MAGI3: variants seen among roughly 807,000 people sequenced by gnomAD.
MAGI3 encodes membrane associated guanylate kinase, WW and PDZ domain containing 3.
In MAGI3, 43 loss-of-function variants were observed where a neutral mutation model predicts 121.8. That is an observed-to-expected ratio of 0.35 (90% CI 0.28 to 0.46). MAGI3 has a LOEUF of 0.46. Ranked by LOEUF, MAGI3 falls within the 20% of genes least tolerant of loss-of-function variation. The pLI is 1.00. For synonymous variants in MAGI3, 553 were observed against 639.3 expected, an observed-to-expected ratio of 0.86 and a Z score of 2.04; for missense variants, 1,547 against 1,797.3, an observed-to-expected ratio of 0.86 and a Z score of 2.52.
chr1:113,447,298 G>A (rs185370352), intron 1 of MAGI3, among the ~76,000 whole-genome samples: 1 of 152,312 alleles, frequency 6.6e-6, no homozygotes, highest in Admixed American at 6.5e-5. Flanking sequence ...TCTGGCAAGG[G>A]CCTTCTTGCT....
At chr1:113,493,143 C>A (rs975820557) in intron 1 of MAGI3, among the ~76,000 whole-genome samples, 1 of 152,162 alleles carries the variant, frequency 6.6e-6, no homozygotes, top group Non-Finnish European at 1.5e-5. Flanking sequence ...TAAAACCGTA[C>A]TACAGGGCTA....
At position 113,535,295 on chromosome 1, in the gene MAGI3, C is replaced by T. The variant is rs576405381; in HGVS notation, c.317-14220C>T. Among the ~76,000 whole-genome samples the T allele has an allele frequency of 9.9e-5, 15 of 151,136 alleles. No individual in the cohort carries two copies. In the South Asian group the frequency reaches 1.3e-3, roughly 13 times the overall value. On this transcript the variant is annotated intron_variant, in intron 1 of 20. Coordinates refer to ENST00000307546, the MANE Select transcript of MAGI3 (RefSeq NM_001142782.2). Reference sequence around the variant, plus strand: ...TAAAAAATGGTATACTTTTGTTGTTCGCTTAAAAAAAAAACCTCTCAATAG... The same window carrying T: ...TAAAAAATGGTATACTTTTGTTGTTTGCTTAAAAAAAAAACCTCTCAATAG...
At chr1:113,486,069 T>C (rs1285654160) in intron 1 of MAGI3, among the ~76,000 whole-genome samples, 2 of 152,226 alleles carry the variant, frequency 1.3e-5, no homozygotes, top group Non-Finnish European at 2.9e-5. Flanking sequence ...GACTATGGCC[T>C]TATAGTGTAG....
chr1:113,667,287 G>A (rs1166462078), intron 16 of MAGI3, among the ~76,000 whole-genome samples: 1 of 152,190 alleles, frequency 6.6e-6, no homozygotes, highest in Non-Finnish European at 1.5e-5. Flanking sequence ...CTGTTGTTTA[G>A]TGTAGCCACC....
intron 10 of MAGI3, 104 bp downstream of exon 10, chr1:113,642,620 T>C: frequency 8.1e-7 from 1 of 1,234,808 alleles, no homozygotes; most frequent in South Asian, 1.5e-5. Flanking sequence ...CAGACTTAAC[T>C]AGTAATTAGT....
At chr1:113,423,261 G>A (rs1299302449) in intron 1 of MAGI3, among the ~76,000 whole-genome samples, 1 of 140,756 alleles carries the variant, frequency 7.1e-6, no homozygotes, top group Non-Finnish European at 1.6e-5. Context: ...TTTTTTTTTG[G>A]GGGGGGGGTT....
intron 1 of MAGI3, among the ~76,000 whole-genome samples, chr1:113,411,578 C>T (rs1651990392): frequency 6.6e-6 from 1 of 151,948 alleles, no homozygotes; most frequent in Non-Finnish European, 1.5e-5. Flanking sequence ...TGTTTTAAGT[C>T]ACGATGATTA....
rs977093693 is a variant in MAGI3 at position 113,682,674 on chromosome 1, ATAT to A, written c.3329-218_3329-216del. On this transcript the variant is annotated intron_variant, in intron 20 of 20. Transcript: ENST00000307546. ...AATTATATGTAATTGGAAAAAATGAATATTATTTTGTGTATATAAACAACCCAT... is the reference window on the plus strand; with the variant it reads ...AATTATATGTAATTGGAAAAAATGAATATTTTGTGTATATAAACAACCCAT... 40 of 976,820 alleles carry A rather than the reference ATAT, an allele frequency of 4.1e-5. No homozygotes were observed. In the African/African-American group the frequency reaches 6.7e-4, roughly 16 times the overall value. The allele number at this position is 976,820 out of a possible 1,614,324, so 60.5% of individuals were successfully genotyped here. A position where few individuals can be genotyped will look rare whatever the true frequency, so the allele number is the denominator to read the frequency against.
At chr1:113,572,942 T>A (rs1249610663) in intron 2 of MAGI3, among the ~76,000 whole-genome samples, 1 of 152,044 alleles carries the variant, frequency 6.6e-6, no homozygotes, top group African/African-American at 2.4e-5. Flanking sequence ...CTTTTTTTTT[T>A]TGAGACAGAG....
At chr1:113,489,261 C>A (rs1052523560) in intron 1 of MAGI3, among the ~76,000 whole-genome samples, 2 of 150,558 alleles carry the variant, frequency 1.3e-5, no homozygotes, top group Non-Finnish European at 2.9e-5. Flanking sequence ...AGCACACAGT[C>A]CTGGAGTTGA....
intron 1 of MAGI3, among the ~76,000 whole-genome samples, chr1:113,433,260 C>T (rs1321647804): frequency 6.6e-6 from 1 of 152,064 alleles, no homozygotes; most frequent in East Asian, 1.9e-4. Context: ...TCAGGTACTA[C>T]TGGGTCTGTG....
At position 113,559,567 on chromosome 1, in the gene MAGI3, C is replaced by CT. The variant is rs200737453; in HGVS notation, c.433+9944dup. Among the ~76,000 whole-genome samples, 35 of 150,688 alleles carry CT rather than the reference C, an allele frequency of 2.3e-4. 2 individuals are homozygous for CT. The highest frequency in any genetic ancestry group is 2.7e-4 in the African/African-American group (11 of 41,042). On this transcript the variant is annotated intron_variant, in intron 2 of 20. Transcript: ENST00000307546. ...AGGAGCACCCAGATTCATAAAGTTC[C>CT]TTTTTTTTGTTTTTTTTTGAGAGGG...
At chr1:113,530,349 G>A (rs1452259842) in intron 1 of MAGI3, among the ~76,000 whole-genome samples, 2 of 149,850 alleles carry the variant, frequency 1.3e-5, no homozygotes, top group Admixed American at 6.7e-5. Context: ...ACAACTTAAC[G>A]CAGGAACAGA....
rs937865742 is a variant in MAGI3, at chr1:113,614,729, GATA to G, written c.1076+72_1076+74del. On this transcript the variant is annotated intron_variant, in intron 7 of 20. Transcript: ENST00000307546. ...CAGCATATAGCTTTAGAGAATACTGGATACAGCACTTTATGCTTCTGTGATCCA... is the reference window on the plus strand; with the variant it reads ...CAGCATATAGCTTTAGAGAATACTGGCAGCACTTTATGCTTCTGTGATCCA... 76 of 1,036,832 alleles carry G rather than the reference GATA, an allele frequency of 7.3e-5. No individual in the cohort carries two copies. The African/African-American group carries it at 1.2e-3, about 17-fold the overall frequency. 64.2% of individuals were successfully genotyped at this position (1,036,832 alleles called of 1,614,324 possible).
At position 113,390,921 on chromosome 1, in the gene MAGI3, G is replaced by A. The variant is rs1650750127; in HGVS notation, c.-113G>A. 1 of 774,314 alleles carries A rather than the reference G, an allele frequency of 1.3e-6. No homozygotes were observed. The highest frequency in any genetic ancestry group is 1.7e-6 in the Non-Finnish European group (1 of 578,486). The allele number at this position is 774,314 out of a possible 1,614,324, so 48.0% of individuals were successfully genotyped here. ...CGCGGGGTGGGGGCCGGAGCGGCGA[G>A]GCCCCCCTTACCGGGCTGCGCGGGC... On this transcript the variant is annotated 5_prime_UTR_variant, in exon 1 of 21. Coordinates refer to ENST00000307546, the MANE Select transcript of MAGI3 (RefSeq NM_001142782.2).
intron 1 of MAGI3, among the ~76,000 whole-genome samples, chr1:113,440,357 A>G (rs929175828): frequency 2.0e-5 from 3 of 152,172 alleles, no homozygotes; most frequent in Non-Finnish European, 4.4e-5. Flanking sequence ...AAGTTTGGAG[A>G]TAGTCTTCAA....
At chr1:113,410,384 A>G (rs1223062826) in intron 1 of MAGI3, among the ~76,000 whole-genome samples, 1 of 151,942 alleles carries the variant, frequency 6.6e-6, no homozygotes, top group Non-Finnish European at 1.5e-5. Flanking sequence ...AATTGCTACT[A>G]ACCATTTACC....
At chr1:113,423,162 T>C (rs540601500) in intron 1 of MAGI3, among the ~76,000 whole-genome samples, 2 of 151,876 alleles carry the variant, frequency 1.3e-5, no homozygotes, top group South Asian at 4.2e-4. Flanking sequence ...AAGAACTTTA[T>C]TGAGCAACAG....
At chr1:113,539,397 A>C (rs1659167062) in intron 1 of MAGI3, among the ~76,000 whole-genome samples, 1 of 151,742 alleles carries the variant, frequency 6.6e-6, no homozygotes, top group Non-Finnish European at 1.5e-5. Flanking sequence ...GTCTCAGAAA[A>C]AAAAAAAAAA....
Sources: allele counts gnomAD v4.1 joint callset (sites outside exome capture counted in the v4.1 genomes callset), GRCh38; gene constraint gnomAD v4.1.1; transcripts MANE v1.5; gene names NCBI Gene and HGNC (gene_info 2026-07-23, HGNC 2026-07-21).